GALNT17: variants seen among roughly 807,000 people sequenced by gnomAD.
The protein encoded by GALNT17 is UDP-GalNAc:polypeptide N-acetylgalactosaminyltransferase-like 3.
GALNT17 carries 29 observed loss-of-function variants against 63.7 expected under a neutral mutation model. The observed-to-expected ratio is 0.46, with a 90% CI of 0.34 to 0.62. The LOEUF (loss-of-function observed/expected upper bound fraction) is 0.62. Ranked by LOEUF, GALNT17 falls within the 20% of genes least tolerant of loss-of-function variation. GALNT17 has a pLI of 0.01. For synonymous variants in GALNT17, 305 were observed against 318.3 expected (o/e 0.96, Z 0.45); for missense variants, 603 against 799.6 (o/e 0.75, Z 2.97).
chr7:71,505,914 A>G (rs143124234), intron 5 of GALNT17, among the ~76,000 whole-genome samples: 405 of 152,284 alleles, frequency 2.7e-3, no homozygotes, highest in Non-Finnish European at 4.6e-3. Context: ...TTAGCTCCAT[A>G]ATAAGCTTCA....
At chr7:71,358,360 A>C (rs1292158924) in intron 2 of GALNT17, among the ~76,000 whole-genome samples, 1 of 152,170 alleles carries the variant, frequency 6.6e-6, no homozygotes, top group Non-Finnish European at 1.5e-5. Flanking sequence ...GCGCCATTGC[A>C]CTCCTGCCTG....
At chr7:71,623,387 C>T (rs749233841) in intron 6 of GALNT17, among the ~76,000 whole-genome samples, 10 of 151,364 alleles carry the variant, frequency 6.6e-5, no homozygotes, top group East Asian at 1.9e-4. Context: ...TTTCTGCTCT[C>T]GGTGGTAGTT....
At chr7:71,702,722 AACCTTATC>A (rs1480799770) in intron 9 of GALNT17, among the ~76,000 whole-genome samples, 1 of 152,228 alleles carries the variant, frequency 6.6e-6, no homozygotes, top group African/African-American at 2.4e-5. Flanking sequence ...CCATTGCACT[AACCTTATC>A]AAGAAAGGAA....
At chr7:71,276,771 G>A (rs1298843660) in intron 1 of GALNT17, among the ~76,000 whole-genome samples, 4 of 152,138 alleles carry the variant, frequency 2.6e-5, no homozygotes, top group Non-Finnish European at 5.9e-5. Flanking sequence ...GCCGAGGCGG[G>A]TAGATCATTT....
chr7:71,311,742 G>A (rs1791417483), intron 1 of GALNT17, among the ~76,000 whole-genome samples: 3 of 152,312 alleles, frequency 2.0e-5, no homozygotes, highest in African/African-American at 7.2e-5. Flanking sequence ...AGTCATTAGG[G>A]ATGTGGATGG....
chr7:71,204,989 A>G (rs964281702), intron 1 of GALNT17, among the ~76,000 whole-genome samples: 2 of 151,564 alleles, frequency 1.3e-5, no homozygotes, highest in African/African-American at 4.9e-5. Context: ...CAAGTAATCC[A>G]CCTGTCTTGG....
Position 71,530,232 on chromosome 7 carries a change from G to A in GALNT17, c.963-41053G>A, listed in dbSNP as rs535841697. Among the ~76,000 whole-genome samples the A allele has an allele frequency of 1.6e-4, 25 of 152,224 alleles. No individual in the cohort carries two copies. The South Asian group carries it at 4.6e-3, about 28-fold the overall frequency. On this transcript the variant is annotated intron_variant, in intron 5 of 10. Coordinates refer to ENST00000333538, the MANE Select transcript of GALNT17 (RefSeq NM_022479.3). ...ATGCTCCTAAGTATCTGGATTGACT[G>A]AGGTTTTGTTTTGAGTTGGGTTTAT... is the stretch of plus-strand genomic sequence containing the variant.
chr7:71,361,786 CAGAGAGAGAG>C (rs150967255), intron 2 of GALNT17, among the ~76,000 whole-genome samples: 10 of 149,028 alleles, frequency 6.7e-5, no homozygotes, highest in African/African-American at 2.5e-4. Flanking sequence ...CAAATGAACT[CAGAGAGAGAG>C]AGAGAGAGAG....
intron 1 of GALNT17, among the ~76,000 whole-genome samples, chr7:71,264,220 G>T (rs1790446688): frequency 6.6e-6 from 1 of 152,176 alleles, no homozygotes; most frequent in Admixed American, 6.5e-5. Context: ...CTCTCTAGGG[G>T]TTGAGCATGC....
chr7:71,577,891 G>T (rs559598604), intron 6 of GALNT17, among the ~76,000 whole-genome samples: 4 of 152,152 alleles, frequency 2.6e-5, no homozygotes, highest in Admixed American at 2.6e-4. Flanking sequence ...CAAGCTGAAG[G>T]CACTGAAGAC....
intron 1 of GALNT17, among the ~76,000 whole-genome samples, chr7:71,278,314 T>A (rs1311807316): frequency 6.6e-6 from 1 of 152,210 alleles, no homozygotes; most frequent in Non-Finnish European, 1.5e-5. Context: ...TGGCTTCAAC[T>A]CATCTCAGAT....
At chr7:71,707,229 A>C (rs1389524648) in intron 9 of GALNT17, among the ~76,000 whole-genome samples, 6 of 152,114 alleles carry the variant, frequency 3.9e-5, no homozygotes, top group Non-Finnish European at 8.8e-5. Flanking sequence ...CATTCACCAC[A>C]GTTATGTGCT....
intron 5 of GALNT17, among the ~76,000 whole-genome samples, chr7:71,489,703 C>T (rs746150947): frequency 1.3e-5 from 2 of 152,196 alleles, no homozygotes; most frequent in African/African-American, 2.4e-5. Flanking sequence ...CCATTGGCGG[C>T]GGGCTGGGCA....
At chr7:71,204,606 C>T (rs905071327) in intron 1 of GALNT17, among the ~76,000 whole-genome samples, 20 of 149,632 alleles carry the variant, frequency 1.3e-4, no homozygotes, top group African/African-American at 4.9e-4. Flanking sequence ...CACCCTGTTG[C>T]CCAGACTGGA....
rs1361909515 is a variant in GALNT17 at position 71,712,990 on chromosome 7, C to G, written c.*844C>G. The G allele has an allele frequency of 6.5e-6, 1 of 152,812 alleles. No individual in the cohort carries two copies. Among genetic ancestry groups the G allele is most frequent in the Non-Finnish European group, 1.5e-5 (1 of 68,190 alleles). The allele number at this position is 152,812 out of a possible 1,614,324, so 9.5% of individuals were successfully genotyped here. A position where few individuals can be genotyped will look rare whatever the true frequency, so the allele number is the denominator to read the frequency against. On this transcript the variant is annotated 3_prime_UTR_variant, in exon 11 of 11. Coordinates refer to ENST00000333538, the MANE Select transcript of GALNT17 (RefSeq NM_022479.3). ...GAAGCAGCGGTCCTCCATCCAGAAC[C>G]TAAGGGCTGAAGCAAAGGCTGCCAG...
At chr7:71,280,134 G>A (rs1040129071) in intron 1 of GALNT17, among the ~76,000 whole-genome samples, 3 of 152,118 alleles carry the variant, frequency 2.0e-5, no homozygotes, top group Non-Finnish European at 2.9e-5. Context: ...CAGAGAGAGA[G>A]GGAGTATTGG....
chr7:71,525,008 T>G (rs1306661902), intron 5 of GALNT17, among the ~76,000 whole-genome samples: 3 of 152,204 alleles, frequency 2.0e-5, no homozygotes, highest in Non-Finnish European at 2.9e-5. Flanking sequence ...CTCCGATACT[T>G]CTTTTATTGG....
At chr7:71,681,260 G>A (rs1471302920) in intron 9 of GALNT17, among the ~76,000 whole-genome samples, 3 of 152,182 alleles carry the variant, frequency 2.0e-5, no homozygotes, top group African/African-American at 7.2e-5. Flanking sequence ...TTGAGGAAAT[G>A]GGACTTGATC....
At chr7:71,462,280 C>A (rs1329895334) in intron 5 of GALNT17, among the ~76,000 whole-genome samples, 1 of 152,174 alleles carries the variant, frequency 6.6e-6, no homozygotes, top group Non-Finnish European at 1.5e-5. Context: ...CCACTCAGAG[C>A]CTGACACTTA....
Sources: gnomAD v4.1 joint callset for allele counts (sites outside exome capture counted in the v4.1 genomes callset) on GRCh38, gnomAD v4.1.1 for gene constraint, MANE v1.5 for transcripts, NCBI Gene and HGNC (gene_info 2026-07-23, HGNC 2026-07-21) for gene names.